The following GAREM1 variants were observed in gnomAD, a reference collection of about 807,000 sequenced individuals.
The protein encoded by GAREM1 is GRB2 associated regulator of MAPK1 subtype 1.
Under a neutral mutation model 71.3 loss-of-function variants are expected in GAREM1, and 26 were observed. The observed-to-expected ratio is 0.36, with a 90% CI of 0.27 to 0.51. GAREM1 has a LOEUF of 0.51. Among genes scored for constraint, GAREM1 ranks in the 20% least tolerant of loss-of-function variants. The probability of loss-of-function intolerance (pLI) is 0.95; values close to 1 mark genes in which losing one functional copy is unlikely to be tolerated. For missense variants in GAREM1, 1,026 were observed against 1,103.1 expected (o/e 0.93, Z 0.99); for synonymous variants, 440 against 433.2 (o/e 1.02, Z -0.20).
intron 3 of GAREM1, among the ~76,000 whole-genome samples, chr18:32,306,500 C>G (rs1187754070): frequency 1.3e-5 from 2 of 152,046 alleles, no homozygotes; most frequent in African/African-American, 2.4e-5. Flanking sequence ...ACATCCTCCA[C>G]CCCACAGTCA....
At chr18:32,459,592 C>T (rs1030131946) in intron 1 of GAREM1, among the ~76,000 whole-genome samples, 2 of 152,106 alleles carry the variant, frequency 1.3e-5, no homozygotes, top group African/African-American at 2.4e-5. Context: ...GTCTCTCTCT[C>T]GAAACAACCA....
intron 2 of GAREM1, among the ~76,000 whole-genome samples, chr18:32,382,772 G>C (rs1174720061): frequency 6.6e-6 from 1 of 152,142 alleles, no homozygotes; most frequent in Non-Finnish European, 1.5e-5. Context: ...GAGCAGTTTT[G>C]ATAGGAATTG....
In GAREM1 at chr18:32,317,147, G is replaced by A. The variant is rs369723606; in HGVS notation, c.263-6824C>T. On this transcript the variant is annotated intron_variant, in intron 2 of 5. Coordinates refer to ENST00000269209, the MANE Select transcript of GAREM1 (RefSeq NM_001242409.2). ...GGGCCAGGCGCGGTGGCTCACGCCT[G>A]TAATCCCAGCACTTTGGCAGGCCGA... is the stretch of plus-strand genomic sequence containing the variant. Among the ~76,000 whole-genome samples, 6 of 152,324 alleles carry A rather than the reference G, an allele frequency of 3.9e-5. No individual in the cohort carries two copies. In the East Asian group the frequency reaches 1.2e-3, roughly 29 times the overall value.
intron 4 of GAREM1, among the ~76,000 whole-genome samples, chr18:32,284,464 C>G (rs1454375324): frequency 6.6e-6 from 1 of 152,088 alleles, no homozygotes; most frequent in Non-Finnish European, 1.5e-5. Flanking sequence ...TATGTTCTTA[C>G]TCATCTTTCA....
intron 4 of GAREM1, among the ~76,000 whole-genome samples, chr18:32,271,226 T>G (rs190039566): frequency 6.6e-6 from 1 of 152,208 alleles, no homozygotes; most frequent in African/African-American, 2.4e-5. Flanking sequence ...TGAGTCTTGC[T>G]CTGTTGCCCA....
At chr18:32,378,198 A>T (rs77053564) in intron 2 of GAREM1, among the ~76,000 whole-genome samples, 9,326 of 152,096 alleles carry the variant, frequency 0.061, 298 homozygotes, top group South Asian at 0.079. Flanking sequence ...TGGGTTTTTG[A>T]TCAAATAAAA....
intron 4 of GAREM1, among the ~76,000 whole-genome samples, chr18:32,272,835 C>T (rs1394331629): frequency 6.6e-6 from 1 of 152,198 alleles, no homozygotes; most frequent in Non-Finnish European, 1.5e-5. Flanking sequence ...GCTGGCCAGG[C>T]TGGTCTCGAA....
chr18:32,330,081 C>T (rs1479136066), intron 2 of GAREM1, among the ~76,000 whole-genome samples: 1 of 151,994 alleles, frequency 6.6e-6, no homozygotes, highest in Non-Finnish European at 1.5e-5. Context: ...GCACTACTCA[C>T]AATAGCAAAG....
At chr18:32,343,874 A>G (rs1305132173) in intron 2 of GAREM1, among the ~76,000 whole-genome samples, 2 of 152,020 alleles carry the variant, frequency 1.3e-5, no homozygotes, top group Non-Finnish European at 2.9e-5. Context: ...CAGGATATCC[A>G]CAGGCACCCC....
intron 3 of GAREM1, among the ~76,000 whole-genome samples, chr18:32,309,567 G>T (rs2047292464): frequency 7.9e-6 from 1 of 127,256 alleles, no homozygotes; most frequent in Non-Finnish European, 1.6e-5. Flanking sequence ...AGTGAGCCGA[G>T]ATCGCGCCAC....
At chr18:32,409,374 C>T (rs2048396785) in intron 1 of GAREM1, among the ~76,000 whole-genome samples, 2 of 152,072 alleles carry the variant, frequency 1.3e-5, no homozygotes, top group Admixed American at 1.3e-4. Flanking sequence ...TGGGTGAGTA[C>T]TTTATTCAAA....
At chr18:32,360,595 TCCTC>T (rs1197358775) in intron 2 of GAREM1, among the ~76,000 whole-genome samples, 1 of 152,054 alleles carries the variant, frequency 6.6e-6, no homozygotes, top group Non-Finnish European at 1.5e-5. Flanking sequence ...CAAAAAGGAA[TCCTC>T]CTGCCTATAG....
At chr18:32,286,321 A>AGTGTGT (rs140225815) in intron 4 of GAREM1, among the ~76,000 whole-genome samples, 4,073 of 143,190 alleles carry the variant, frequency 0.028, 66 homozygotes, top group African/African-American at 0.036. Flanking sequence ...CTGGTTCTGG[A>AGTGTGT]GTGTGTGTGT....
rs116954010 is a variant in GAREM1 at position 32,413,242 on chromosome 18, A to G, written c.122-20207T>C. The G allele has an allele frequency of 9.4e-6, 15 of 1,589,416 alleles. No individual in the cohort carries two copies. The East Asian group carries it at 3.1e-4, about 33-fold the overall frequency. The stretch of plus-strand genomic sequence containing the variant: ...CGGCGTCCACGGGCAGAAAGGCCAG[A>G]AAAATATTTCAACTACATATTTGAC... On this transcript the variant is annotated intron_variant, in intron 1 of 5. Coordinates refer to ENST00000269209, the MANE Select transcript of GAREM1 (RefSeq NM_001242409.2).
chr18:32,280,382 C>A (rs530346544), intron 4 of GAREM1, among the ~76,000 whole-genome samples: 4 of 152,198 alleles, frequency 2.6e-5, no homozygotes, highest in Non-Finnish European at 5.9e-5. Context: ...GCACCAGGAG[C>A]TGGCCTGGCC....
chr18:32,459,284 TG>T (rs1406148076), intron 1 of GAREM1, among the ~76,000 whole-genome samples: 2 of 152,236 alleles, frequency 1.3e-5, no homozygotes, highest in East Asian at 3.9e-4. Flanking sequence ...TACTGCTATA[TG>T]AAAGCAAAAC....
chr18:32,305,737 C>T (rs2047247547), intron 3 of GAREM1, among the ~76,000 whole-genome samples: 1 of 152,300 alleles, frequency 6.6e-6, no homozygotes, highest in African/African-American at 2.4e-5. Flanking sequence ...CCAGGCAGGT[C>T]TCGAACTCCT....
At chr18:32,384,697 C>T (rs1224310696) in intron 2 of GAREM1, among the ~76,000 whole-genome samples, 1 of 152,160 alleles carries the variant, frequency 6.6e-6, no homozygotes, top group Non-Finnish European at 1.5e-5. Flanking sequence ...AACAAACTCA[C>T]AATAATTCCC....
At chr18:32,446,650 A>T (rs1489007260) in intron 1 of GAREM1, among the ~76,000 whole-genome samples, 1 of 152,226 alleles carries the variant, frequency 6.6e-6, no homozygotes, top group Non-Finnish European at 1.5e-5. Flanking sequence ...AAAGCAAACA[A>T]AAAACAGAAG....
Sources: allele counts gnomAD v4.1 joint callset (sites outside exome capture counted in the v4.1 genomes callset), GRCh38; gene constraint gnomAD v4.1.1; transcripts MANE v1.5; gene names NCBI Gene and HGNC (gene_info 2026-07-23, HGNC 2026-07-21).